Variants in PRKN observed in about 807,000 individuals in gnomAD.
PRKN encodes parkin RBR E3 ubiquitin protein ligase.
In PRKN, 56 loss-of-function variants were observed where a neutral mutation model predicts 59.5. That is an observed-to-expected ratio of 0.94 (90% CI 0.76 to 1.18). The LOEUF is 1.18. Ranked by LOEUF, PRKN falls within the 50% of genes most tolerant of loss-of-function variation. The pLI, the probability that PRKN is intolerant of heterozygous loss-of-function variation, is 0.00. For missense variants in PRKN, 657 were observed against 596.4 expected (o/e 1.10, Z -1.06); for synonymous variants, 250 against 222.1 (o/e 1.13, Z -1.12).
In PRKN at chr6:161,377,583, C is replaced by T. The variant is rs148270380; in HGVS notation, c.1167+9211G>A. Among the ~76,000 whole-genome samples, 525 of 152,302 alleles carry T rather than the reference C, an allele frequency of 3.4e-3. 6 individuals carry two copies. Among genetic ancestry groups the T allele is most frequent in the African/African-American group, 0.012 (505 of 41,576 alleles). ...TGTCAATAAGCAGAGCCTTGGGCAA[C>T]GCAACTGCTATGGTCCGAGTGTTTG... On this transcript the variant is annotated intron_variant, in intron 10 of 11. Coordinates refer to ENST00000366898, the MANE Select transcript of PRKN (RefSeq NM_004562.3). The surrounding 1 kb of genome is among the most constrained non-coding windows in gnomAD (Gnocchi z 4.2).
In PRKN at chr6:162,186,311, C is replaced by CTT. The variant is rs5881461; in HGVS notation, c.534+14818_534+14819dup. Among the ~76,000 whole-genome samples, 58 of 144,368 alleles carry CTT rather than the reference C, an allele frequency of 4.0e-4. 1 individual carries two copies. Among genetic ancestry groups the CTT allele is most frequent in the African/African-American group, 8.8e-4 (35 of 39,788 alleles). The allele number at this position is 144,368 out of a possible 152,430, so 94.7% of individuals were successfully genotyped here. On this transcript the variant is annotated intron_variant, in intron 4 of 11. Coordinates refer to ENST00000366898, the MANE Select transcript of PRKN (RefSeq NM_004562.3). ...TCACTGACATAATTTTTTTAACAGA[C>CTT]TTTTTTTTTTTTTAGCAGTTTTAGG...
intron 6 of PRKN, among the ~76,000 whole-genome samples, chr6:161,896,291 C>T (rs1331956269): frequency 6.6e-6 from 1 of 152,208 alleles, no homozygotes; most frequent in Non-Finnish European, 1.5e-5. Context: ...GGAAGTGCTG[C>T]TCTGTCAGTT....
At chr6:162,502,696 C>A (rs377493613) in intron 1 of PRKN, among the ~76,000 whole-genome samples, 1 of 151,976 alleles carries the variant, frequency 6.6e-6, no homozygotes, top group Admixed American at 6.6e-5. Flanking sequence ...AAATAACACA[C>A]GCTTTTCCTC....
chr6:162,255,794 C>T (rs1779617662), intron 3 of PRKN, among the ~76,000 whole-genome samples: 1 of 152,140 alleles, frequency 6.6e-6, no homozygotes, highest in Non-Finnish European at 1.5e-5. Context: ...TTTTTGACTG[C>T]ATTTTCTAGC....
At chr6:161,382,221 G>A (rs1179875617) in intron 10 of PRKN, among the ~76,000 whole-genome samples, 1 of 151,872 alleles carries the variant, frequency 6.6e-6, no homozygotes, top group African/African-American at 2.4e-5. Context: ...AGTGACGAAT[G>A]TATCAGAATG....
chr6:161,483,233 AG>A lies in PRKN; in HGVS notation c.1083+65620del, dbSNP rs1791500715. ...GACTTCGCCAGAGATGCTTAGAGTT[AG>A]GTGAAATAGAGATAACTATTTTCAT... On this transcript the variant is annotated intron_variant, in intron 9 of 11. Transcript: ENST00000366898. The surrounding 1 kb of genome is among the most constrained non-coding windows in gnomAD (Gnocchi z 5.0). Among the ~76,000 whole-genome samples, 1 of 151,822 alleles carries A rather than the reference AG, an allele frequency of 6.6e-6. No homozygotes were observed. Among genetic ancestry groups the A allele is most frequent in the Non-Finnish European group, 1.5e-5 (1 of 67,992 alleles).
intron 7 of PRKN, among the ~76,000 whole-genome samples, chr6:161,731,430 C>T (rs73783367): frequency 0.17 from 25,547 of 152,224 alleles, 5,086 homozygotes; most frequent in African/African-American, 0.48. Context: ...TTTTTGGAAG[C>T]AGGCTAAGAT....
At chr6:162,361,047 T>G (rs1399040878) in intron 2 of PRKN, among the ~76,000 whole-genome samples, 1 of 152,172 alleles carries the variant, frequency 6.6e-6, no homozygotes, top group African/African-American at 2.4e-5. Context: ...CATCAGAAAC[T>G]TTGGCATCCC....
At position 161,414,675 on chromosome 6, in the gene PRKN, A is replaced by AT. The variant is rs534153916; in HGVS notation, c.1084-27799dup. ...AGCTACTGCACATCTGATGAAGAGG[A>AT]TTTTTTTTAACTGAGTAAGGTCATC... On this transcript the variant is annotated intron_variant, in intron 9 of 11. Coordinates refer to ENST00000366898, the MANE Select transcript of PRKN (RefSeq NM_004562.3). The surrounding 1 kb of genome is among the most constrained non-coding windows in gnomAD (Gnocchi z 5.3). 3.6e-4 allele frequency among the ~76,000 whole-genome samples: 55 copies of AT among 152,128 alleles called. No homozygotes were observed. Among genetic ancestry groups the AT allele is most frequent in the Non-Finnish European group, 6.5e-4 (44 of 67,990 alleles).
intron 1 of PRKN, among the ~76,000 whole-genome samples, chr6:162,655,577 C>T (rs908038093): frequency 6.6e-6 from 1 of 151,858 alleles, no homozygotes; most frequent in African/African-American, 2.4e-5. Flanking sequence ...TACAGTACTG[C>T]CAGAATTACT....
Position 161,470,004 on chromosome 6 carries a change from T to C in PRKN, c.1083+78850A>G, listed in dbSNP as rs1013713484. Among the ~76,000 whole-genome samples the C allele has an allele frequency of 2.6e-5, 4 of 152,230 alleles. No individual in the cohort carries two copies. Among genetic ancestry groups the C allele is most frequent in the Non-Finnish European group, 4.4e-5 (3 of 68,048 alleles). Reference sequence around the variant, plus strand: ...AAAGTGCTTACTATGAACCGGGCATTGCTAGGCTGAACATCCAACATACAT... The same window carrying C: ...AAAGTGCTTACTATGAACCGGGCATCGCTAGGCTGAACATCCAACATACAT... On this transcript the variant is annotated intron_variant, in intron 9 of 11. Coordinates refer to ENST00000366898, the MANE Select transcript of PRKN (RefSeq NM_004562.3). This position sits in a 1 kb window ranked among gnomAD's most constrained non-coding sequence, Gnocchi z 5.1.
intron 1 of PRKN, among the ~76,000 whole-genome samples, chr6:162,493,245 C>T (rs2155500): frequency 0.51 from 77,717 of 151,974 alleles, 19,925 homozygotes; most frequent in Middle Eastern, 0.58. Flanking sequence ...AAAGGGAGAA[C>T]TGCGAAGAGG....
At chr6:161,732,936 C>T (rs1014185933) in intron 7 of PRKN, among the ~76,000 whole-genome samples, 3 of 152,114 alleles carry the variant, frequency 2.0e-5, no homozygotes, top group Non-Finnish European at 2.9e-5. Flanking sequence ...TAATGTTGCC[C>T]TCATATTCCC....
At chr6:161,650,054 A>C (rs1347378558) in intron 7 of PRKN, among the ~76,000 whole-genome samples, 1 of 152,188 alleles carries the variant, frequency 6.6e-6, no homozygotes, top group African/African-American at 2.4e-5. Context: ...ATCTACTGTG[A>C]TGACGCCCAG....
Position 161,977,738 on chromosome 6 carries a change from G to T in PRKN, c.619-4321C>A, listed in dbSNP as rs111758563. Among the ~76,000 whole-genome samples the T allele has an allele frequency of 7.3e-3, 1,100 of 150,646 alleles. 17 individuals carry two copies. Among genetic ancestry groups the T allele is most frequent in the African/African-American group, 0.026 (1,067 of 41,070 alleles). ...ACTTTTTTGTATTTTTAGTAGAGAC[G>T]GGGTTTCACCATGTTAGCCAGGATG... On this transcript the variant is annotated intron_variant, in intron 5 of 11. Transcript: ENST00000366898.
chr6:162,348,082 A>G (rs1442404803), intron 2 of PRKN, among the ~76,000 whole-genome samples: 1 of 152,184 alleles, frequency 6.6e-6, no homozygotes, highest in African/African-American at 2.4e-5. Flanking sequence ...TGCATGTGAG[A>G]AAACTAAAAA....
At chr6:162,698,830 T>G (rs1330798439) in intron 1 of PRKN, among the ~76,000 whole-genome samples, 1 of 152,156 alleles carries the variant, frequency 6.6e-6, no homozygotes, top group African/African-American at 2.4e-5. Flanking sequence ...AGAAACAAAA[T>G]TATTTAAATT....
intron 6 of PRKN, among the ~76,000 whole-genome samples, chr6:161,916,036 A>G (rs1241859927): frequency 6.6e-6 from 1 of 152,248 alleles, no homozygotes; most frequent in Non-Finnish European, 1.5e-5. Flanking sequence ...TTACTGAAAA[A>G]AAAGCATTAT....
intron 3 of PRKN, among the ~76,000 whole-genome samples, chr6:162,232,762 C>T (rs1367802349): frequency 6.6e-6 from 1 of 152,084 alleles, no homozygotes; most frequent in African/African-American, 2.4e-5. Flanking sequence ...GAAAAAAAAT[C>T]CCGCCAAGAC....
Sources: allele counts gnomAD v4.1 joint callset (sites outside exome capture counted in the v4.1 genomes callset), GRCh38; gene constraint gnomAD v4.1.1; non-coding constraint Gnocchi (gnomAD v3.1); transcripts MANE v1.5; gene names NCBI Gene and HGNC (gene_info 2026-07-23, HGNC 2026-07-21).